Variants in PCDHGA6 observed in about 807,000 individuals in gnomAD.
PCDHGA6 encodes protocadherin gamma subfamily A, 6, also known as protocadherin gamma-A6.
A neutral mutation model predicts 60.6 loss-of-function variants in PCDHGA6; 41 were observed. That is an observed-to-expected ratio of 0.68 (90% CI 0.53 to 0.88). The LOEUF is 0.88. Ranked by LOEUF, PCDHGA6 falls within the 40% of genes least tolerant of loss-of-function variation. PCDHGA6 has a pLI of 0.00. For missense variants in PCDHGA6, 1,312 were observed against 1,203.0 expected, an observed-to-expected ratio of 1.09 and a Z score of -1.34; for synonymous variants, 594 against 524.4, an observed-to-expected ratio of 1.13 and a Z score of -1.81.
chr5:141,436,842 T>G (rs986680968), intron 1 of PCDHGA6, among the ~76,000 whole-genome samples: 3 of 152,376 alleles, frequency 2.0e-5, no homozygotes, highest in African/African-American at 7.2e-5. Flanking sequence ...CCTAGGCACA[T>G]TCTTGATTGA....
intron 1 of PCDHGA6, chr5:141,394,099 C>T: frequency 1.2e-6 from 2 of 1,613,930 alleles, no homozygotes; most frequent in South Asian, 1.1e-5. Context: ...GATCTAGGAA[C>T]ACCACCTCTG....
chr5:141,442,047 G>A (rs186626119), intron 1 of PCDHGA6: 64 of 202,912 alleles, frequency 3.2e-4, no homozygotes, highest in Admixed American at 9.3e-4. Context: ...GCGCCTACTG[G>A]TCGCGGTGCA....
chr5:141,376,132 A>T lies in PCDHGA6; in HGVS notation c.2049A>T (p.Lys683Asn). The change falls in exon 1 of 4, where the codon AAA becomes AAT. Residue 683 changes from lysine to asparagine, a missense_variant. Transcript: ENST00000517434. ...ADLGSLEPSA[K>N]PNDSDLTLYL... Reference sequence around the variant, plus strand: ...TGGGCAGCCTCGAGCCCTCCGCCAAACCCAACGATTCGGACCTCACTCTGT... The same window carrying T: ...TGGGCAGCCTCGAGCCCTCCGCCAATCCCAACGATTCGGACCTCACTCTGT... 1 of 1,613,498 alleles carries T rather than the reference A, an allele frequency of 6.2e-7. No homozygotes were observed. Among genetic ancestry groups the T allele is most frequent in the Non-Finnish European group, 8.5e-7 (1 of 1,179,822 alleles).
In PCDHGA6 at chr5:141,421,902, C is replaced by T. The variant is rs1218675162; in HGVS notation, c.2424+45395C>T. 4 of 1,613,706 alleles carry T rather than the reference C, an allele frequency of 2.5e-6. No homozygotes were observed. The South Asian group carries it at 3.3e-5, about 13-fold the overall frequency. On this transcript the variant is annotated intron_variant, in intron 1 of 3. Coordinates refer to ENST00000517434, the MANE Select transcript of PCDHGA6 (RefSeq NM_018919.3). Reference sequence around the variant, plus strand: ...ATGGAGGCGATCCCATCCGAAAGGGCGCAGTTCCCATTCGTGTGGTGGTCC... The same window carrying T: ...ATGGAGGCGATCCCATCCGAAAGGGTGCAGTTCCCATTCGTGTGGTGGTCC...
At chr5:141,408,121 T>C in intron 1 of PCDHGA6, 1 of 1,475,406 alleles carries the variant, frequency 6.8e-7, no homozygotes, top group South Asian at 1.4e-5. Context: ...CCTCCTGTCC[T>C]GGGCCGAATG....
At position 141,490,208 on chromosome 5, in the gene PCDHGA6, G is replaced by A. The variant is rs745796427; in HGVS notation, c.2425-4599G>A. On this transcript the variant is annotated intron_variant, in intron 1 of 3. Coordinates refer to ENST00000517434, the MANE Select transcript of PCDHGA6 (RefSeq NM_018919.3). The surrounding 1 kb of genome is among the most constrained non-coding windows in gnomAD (Gnocchi z 5.4). ...TTCTATGAAATTCATGCAAGAGCCC[G>A]TGACCAGGGACAGCCTGCCATGGAG... 44 of 1,614,120 alleles carry A rather than the reference G, an allele frequency of 2.7e-5. No individual in the cohort carries two copies. The Admixed American group carries it at 4.5e-4, about 17-fold the overall frequency.
chr5:141,399,448 G>A (rs1272959259), intron 1 of PCDHGA6: 5 of 1,613,872 alleles, frequency 3.1e-6, no homozygotes, highest in Non-Finnish European at 4.2e-6. Flanking sequence ...TATCAGAGAC[G>A]TCAACGATAA....
chr5:141,384,810 C>A (rs755407612), intron 1 of PCDHGA6: 3 of 1,613,422 alleles, frequency 1.9e-6, no homozygotes, highest in Middle Eastern at 1.7e-4. Flanking sequence ...ACAGAGATGC[C>A]CTCAAGCAGA....
intron 1 of PCDHGA6, chr5:141,422,963 C>G (rs372620011): frequency 1.1e-5 from 17 of 1,614,238 alleles, no homozygotes; most frequent in Non-Finnish European, 1.4e-5. Context: ...GTGGAGCTGG[C>G]GCCCCGCTCT....
Position 141,490,293 on chromosome 5 carries a change from A to G in PCDHGA6, c.2425-4514A>G, listed in dbSNP as rs1316965652. On this transcript the variant is annotated intron_variant, in intron 1 of 3. Transcript: ENST00000517434. The surrounding 1 kb of genome is among the most constrained non-coding windows in gnomAD (Gnocchi z 5.4). ...TCAATGACAATGCCCCAGAGGTGCTATTGGCCTCTTTGGCCAACCCTGTCC... is the reference window on the plus strand; with the variant it reads ...TCAATGACAATGCCCCAGAGGTGCTGTTGGCCTCTTTGGCCAACCCTGTCC... The G allele has an allele frequency of 1.2e-6, 2 of 1,614,190 alleles. No individual in the cohort carries two copies. The highest frequency in any genetic ancestry group is 8.5e-7 in the Non-Finnish European group (1 of 1,180,028).
intron 1 of PCDHGA6, chr5:141,421,788 G>T: frequency 6.2e-7 from 1 of 1,613,800 alleles, no homozygotes; most frequent in Non-Finnish European, 8.5e-7. Flanking sequence ...GGGGCAGAAC[G>T]GATGGGGCCA....
In PCDHGA6 at chr5:141,374,413, C is replaced by G. The variant is rs773364230; in HGVS notation, c.330C>G (p.Val110=). 1.9e-6 allele frequency: 3 copies of G among 1,613,856 alleles called. No homozygotes were observed. Among genetic ancestry groups the G allele is most frequent in the Admixed American group, 3.3e-5 (2 of 59,994 alleles). ...GTCTGGTGAGTTTTAACATCCTTGT[C>G]GAGGATAAACTGAATCTTTATCCCG... The part of the protein sequence containing the change: ...PRCLVSFNIL[V]EDKLNLYPVE... The change falls in exon 1 of 4, where the codon GTC becomes GTG. Residue 110 remains valine, a synonymous_variant. Transcript: ENST00000517434.
In PCDHGA6 at chr5:141,486,671, C is replaced by A. The variant is rs1307620045; in HGVS notation, c.2425-8136C>A. On this transcript the variant is annotated intron_variant, in intron 1 of 3. Coordinates refer to ENST00000517434, the MANE Select transcript of PCDHGA6 (RefSeq NM_018919.3). The surrounding 1 kb of genome is among the most constrained non-coding windows in gnomAD (Gnocchi z 5.0). The stretch of plus-strand genomic sequence containing the variant: ...CTACTCACTCCTGGAGCCCAGGAAT[C>A]GAGATGTATCAGCTTCCTCTTTCAT... 1.9e-6 allele frequency: 3 copies of A among 1,614,044 alleles called. No individual in the cohort carries two copies. The highest frequency in any genetic ancestry group is 2.5e-6 in the Non-Finnish European group (3 of 1,180,014).
Position 141,481,350 on chromosome 5 carries a change from T to C in PCDHGA6, c.2425-13457T>C, listed in dbSNP as rs901892475. Among the ~76,000 whole-genome samples, 4 of 152,248 alleles carry C rather than the reference T, an allele frequency of 2.6e-5. No homozygotes were observed. The South Asian group carries it at 8.3e-4, about 32-fold the overall frequency. On this transcript the variant is annotated intron_variant, in intron 1 of 3. Coordinates refer to ENST00000517434, the MANE Select transcript of PCDHGA6 (RefSeq NM_018919.3). The stretch of plus-strand genomic sequence containing the variant: ...CCTGGACAACTATTATTTAAACATC[T>C]ACAGCTGTTCAATAGATATTGGGTT...
At chr5:141,393,857 C>A (rs753457502) in intron 1 of PCDHGA6, 3 of 1,613,860 alleles carry the variant, frequency 1.9e-6, no homozygotes, top group Non-Finnish European at 2.5e-6. Flanking sequence ...CAGAAGTGAT[C>A]ATTACGTCTT....
At chr5:141,455,160 G>GT (rs59530096) in intron 1 of PCDHGA6, among the ~76,000 whole-genome samples, 26,536 of 149,098 alleles carry the variant, frequency 0.18, 2,386 homozygotes, top group South Asian at 0.23. Flanking sequence ...TAGTTTGTTG[G>GT]TTTTTTTTTT....
At chr5:141,402,407 A>G (rs1365068565) in intron 1 of PCDHGA6, among the ~76,000 whole-genome samples, 1 of 152,106 alleles carries the variant, frequency 6.6e-6, no homozygotes, top group African/African-American at 2.4e-5. Context: ...AATTGTTAAG[A>G]TACACAGAAA....
intron 1 of PCDHGA6, chr5:141,430,441 C>A (rs1168234012): frequency 5.2e-6 from 1 of 192,346 alleles, no homozygotes; most frequent in Non-Finnish European, 1.0e-5. Flanking sequence ...GATTTCCATC[C>A]CCTTTTGAAG....
intron 1 of PCDHGA6, chr5:141,421,577 T>C (rs1385519860): frequency 1.4e-5 from 22 of 1,613,748 alleles, no homozygotes; most frequent in Non-Finnish European, 1.5e-5. Context: ...ACCTTGAAGA[T>C]TTACGGAGTG....
Sources: allele counts gnomAD v4.1 joint callset (sites outside exome capture counted in the v4.1 genomes callset), GRCh38; gene constraint gnomAD v4.1.1; non-coding constraint Gnocchi (gnomAD v3.1); transcripts MANE v1.5; gene names NCBI Gene and HGNC (gene_info 2026-07-23, HGNC 2026-07-21).